ZNF618: variants seen among roughly 807,000 people sequenced by gnomAD.
ZNF618 encodes the protein neural precursor cell expressed, developmentally down-regulated 10.
ZNF618 carries 34 observed loss-of-function variants against 103.0 expected under a neutral mutation model. That is an observed-to-expected ratio of 0.33 (90% CI 0.25 to 0.44). The LOEUF (loss-of-function observed/expected upper bound fraction) is 0.44, where lower values mean the gene tolerates loss of function less well. ZNF618 is among the 20% of genes least tolerant of loss of function. The probability of loss-of-function intolerance (pLI) is 1.00; values close to 1 mark genes in which losing one functional copy is unlikely to be tolerated. For missense variants in ZNF618, 1,059 were observed against 1,295.4 expected, an observed-to-expected ratio of 0.82 and a Z score of 2.80; for synonymous variants, 551 against 542.2, an observed-to-expected ratio of 1.02 and a Z score of -0.23.
chr9:113,927,610 A>T (rs1035633462), intron 1 of ZNF618, among the ~76,000 whole-genome samples: 1 of 152,184 alleles, frequency 6.6e-6, no homozygotes, highest in African/African-American at 2.4e-5. Context: ...AGGCTAGAGG[A>T]GTCTGGAGTT....
intron 1 of ZNF618, among the ~76,000 whole-genome samples, chr9:113,922,359 A>C (rs570373262): frequency 6.6e-6 from 1 of 152,250 alleles, no homozygotes; most frequent in South Asian, 2.1e-4. Flanking sequence ...AGGGAAGATA[A>C]GTTGGCAGCT....
chr9:113,902,337 C>T (rs1031240701), intron 1 of ZNF618, among the ~76,000 whole-genome samples: 1 of 152,132 alleles, frequency 6.6e-6, no homozygotes, highest in African/African-American at 2.4e-5. Context: ...TCAGATGCTA[C>T]CTGTTTTCTT....
At chr9:114,040,185 C>T (rs1156792798) in intron 13 of ZNF618, among the ~76,000 whole-genome samples, 1 of 152,108 alleles carries the variant, frequency 6.6e-6, no homozygotes, top group African/African-American at 2.4e-5. Context: ...CTTACCCTGC[C>T]CTAGCACTTT....
intron 11 of ZNF618, among the ~76,000 whole-genome samples, chr9:114,032,050 CT>C: frequency 6.6e-6 from 1 of 152,232 alleles, no homozygotes; most frequent in South Asian, 2.1e-4. Flanking sequence ...CCAGTAGTCA[CT>C]CAGGGGGAAC....
At position 113,925,443 on chromosome 9, in the gene ZNF618, CT is replaced by C. The variant is rs377142337; in HGVS notation, c.34-43661del. The stretch of plus-strand genomic sequence containing the variant: ...ATAGACAGCATGTAGTTAGTTGGGT[CT>C]TTTTTTTTTTTTCAATCCTTTCTGA... On this transcript the variant is annotated intron_variant, in intron 1 of 14. Transcript: ENST00000374126. 6.6e-3 allele frequency among the ~76,000 whole-genome samples: 785 copies of C among 118,698 alleles called. 5 individuals are homozygous for C. The highest frequency in any genetic ancestry group is 0.013 in the African/African-American group (434 of 32,896). 77.9% of individuals were successfully genotyped at this position (118,698 alleles called of 152,430 possible). A position where few individuals can be genotyped will look rare whatever the true frequency, so the allele number is the denominator to read the frequency against.
chr9:114,003,087 G>C (rs1841402822), intron 6 of ZNF618, among the ~76,000 whole-genome samples: 1 of 152,224 alleles, frequency 6.6e-6, no homozygotes. Context: ...CTCCGTAGTT[G>C]ACTTTTGGGA....
chr9:113,892,565 A>G (rs568003232), intron 1 of ZNF618, among the ~76,000 whole-genome samples: 35 of 152,356 alleles, frequency 2.3e-4, no homozygotes, highest in Admixed American at 1.4e-3. Context: ...TCAACAGTTT[A>G]TCTTGTAGGA....
At chr9:113,908,098 C>T (rs1012364695) in intron 1 of ZNF618, among the ~76,000 whole-genome samples, 1 of 152,076 alleles carries the variant, frequency 6.6e-6, no homozygotes, top group Admixed American at 6.5e-5. Context: ...CAGGATGGCT[C>T]CTGAGAACTG....
At chr9:113,903,870 C>T (rs1038618278) in intron 1 of ZNF618, among the ~76,000 whole-genome samples, 2 of 151,884 alleles carry the variant, frequency 1.3e-5, no homozygotes, top group Non-Finnish European at 2.9e-5. Flanking sequence ...CTCCTTATCT[C>T]TCATTTTAAG....
intron 2 of ZNF618, 44 bp from the exon 3 acceptor site, chr9:113,988,277 G>A (rs751572724): frequency 1.3e-6 from 2 of 1,575,374 alleles, no homozygotes; most frequent in South Asian, 2.4e-5. Context: ...CTCCTGTGTT[G>A]ATCTGGAGGA....
At chr9:113,946,161 C>A (rs1178523741) in intron 1 of ZNF618, among the ~76,000 whole-genome samples, 1 of 152,172 alleles carries the variant, frequency 6.6e-6, no homozygotes, top group African/African-American at 2.4e-5. Flanking sequence ...CTCTGCGGAG[C>A]CCCCTGGGCC....
In ZNF618 at chr9:114,016,937, G is replaced by A. The variant is rs1177910560; in HGVS notation, c.844+153G>A. ...CTTTAGGTATTATGTCTGACCCAGG[G>A]CCACCTGTCTACAGTGGCCGGCATA... On this transcript the variant is annotated intron_variant, in intron 10 of 14. Coordinates refer to ENST00000374126, the MANE Select transcript of ZNF618 (RefSeq NM_001318042.2). The A allele has an allele frequency of 8.3e-6, 5 of 601,244 alleles. No individual in the cohort carries two copies. The East Asian group carries it at 1.4e-4, about 17-fold the overall frequency. 37.2% of individuals were successfully genotyped at this position (601,244 alleles called of 1,614,324 possible).
At chr9:114,007,604 G>A (rs951452256) in intron 7 of ZNF618, among the ~76,000 whole-genome samples, 165 bp downstream of exon 7, 3 of 152,222 alleles carry the variant, frequency 2.0e-5, no homozygotes, top group East Asian at 1.9e-4. Flanking sequence ...TTCTGGGGGC[G>A]GGAACGTCAC....
At chr9:113,998,469 G>A in intron 4 of ZNF618, 115 bp downstream of exon 4, 1 of 895,290 alleles carries the variant, frequency 1.1e-6, no homozygotes, top group Non-Finnish European at 1.7e-6. Flanking sequence ...GCATCTCAGG[G>A]TCAAGAGGGG....
intron 13 of ZNF618, among the ~76,000 whole-genome samples, chr9:114,038,470 C>T (rs1048315254): frequency 2.0e-5 from 3 of 152,184 alleles, no homozygotes; most frequent in Non-Finnish European, 2.9e-5. Context: ...CACACTGAAT[C>T]GGGATTAAAG....
At chr9:113,907,660 C>T (rs755405000) in intron 1 of ZNF618, among the ~76,000 whole-genome samples, 26 of 152,194 alleles carry the variant, frequency 1.7e-4, no homozygotes, top group Non-Finnish European at 2.4e-4. Flanking sequence ...GACCCCCCCG[C>T]ATGAGAGGCC....
intron 2 of ZNF618, among the ~76,000 whole-genome samples, chr9:113,987,544 G>A (rs1343004181): frequency 6.6e-6 from 1 of 152,178 alleles, no homozygotes; most frequent in Non-Finnish European, 1.5e-5. Flanking sequence ...AAGCAGGAGC[G>A]GGGAAGAGCC....
chr9:114,026,026 A>C (rs1843468343), intron 10 of ZNF618, among the ~76,000 whole-genome samples: 1 of 152,292 alleles, frequency 6.6e-6, no homozygotes, highest in South Asian at 2.1e-4. Flanking sequence ...ATCATTACTG[A>C]TGGTGATCAG....
intron 1 of ZNF618, among the ~76,000 whole-genome samples, chr9:113,897,857 G>A (rs928913678): frequency 2.0e-5 from 3 of 151,980 alleles, no homozygotes; most frequent in Non-Finnish European, 4.4e-5. Flanking sequence ...GTGGTGGCAC[G>A]ATCTCGGCTC....
Sources: gnomAD v4.1 joint callset for allele counts (sites outside exome capture counted in the v4.1 genomes callset) on GRCh38, gnomAD v4.1.1 for gene constraint, MANE v1.5 for transcripts, NCBI Gene and HGNC (gene_info 2026-07-23, HGNC 2026-07-21) for gene names.